Variants in FAM107B observed in about 807,000 individuals in gnomAD.
FAM107B encodes protein FAM107B.
FAM107B carries 21 observed loss-of-function variants against 31.5 expected under a neutral mutation model. The observed-to-expected ratio is 0.67, with a 90% CI of 0.47 to 0.96. The LOEUF is 0.96. FAM107B is among the 40% of genes least tolerant of loss of function. FAM107B has a pLI of 0.00. For missense variants in FAM107B, 452 were observed against 377.1 expected (o/e 1.20, Z -1.64); for synonymous variants, 157 against 141.5 (o/e 1.11, Z -0.78).
chr10:14,640,207 G>T (rs561420819), intron 2 of FAM107B, among the ~76,000 whole-genome samples: 3 of 152,194 alleles, frequency 2.0e-5, no homozygotes, highest in Non-Finnish European at 4.4e-5. Context: ...GAGCAGTTAG[G>T]TATCTTGTTC....
chr10:14,574,440 C>T (rs1851401884), intron 2 of FAM107B, among the ~76,000 whole-genome samples: 1 of 152,206 alleles, frequency 6.6e-6, no homozygotes, highest in Admixed American at 6.5e-5. Flanking sequence ...ATTTGGGAAA[C>T]ACTGCTCCCA....
intron 2 of FAM107B, among the ~76,000 whole-genome samples, chr10:14,564,115 A>G (rs1850464604): frequency 1.3e-5 from 2 of 152,298 alleles, no homozygotes; most frequent in African/African-American, 4.8e-5. Context: ...GATATAACCA[A>G]AAAAAAGTTC....
In FAM107B at chr10:14,664,790, A is replaced by C. The variant is rs115728033; in HGVS notation, c.469+2844T>G. ...TAGCACATAGTAGACATTCAGTAAA[A>C]GTTTTTTGAATGAATATAGTATATG... On this transcript the variant is annotated intron_variant, in intron 2 of 4. Coordinates refer to ENST00000181796, the MANE Select transcript of FAM107B (RefSeq NM_031453.4). Among the ~76,000 whole-genome samples, 1,112 of 152,334 alleles carry C rather than the reference A, an allele frequency of 7.3e-3. 12 individuals are homozygous for C. The highest frequency in any genetic ancestry group is 0.023 in the African/African-American group (955 of 41,574).
At chr10:14,523,717 A>G (rs1236714249) in intron 3 of FAM107B, among the ~76,000 whole-genome samples, 2 of 152,222 alleles carry the variant, frequency 1.3e-5, no homozygotes, top group Admixed American at 1.3e-4. Context: ...AGTCCACACA[A>G]TCACATCTGT....
chr10:14,589,186 A>G lies in FAM107B; in HGVS notation c.470-58671T>C, dbSNP rs1851940019. 2.6e-5 allele frequency among the ~76,000 whole-genome samples: 4 copies of G among 151,546 alleles called. 1 individual carries two copies. In the South Asian group the frequency reaches 8.4e-4, roughly 32 times the overall value. ...CCGAGACTGTCTCAAAAAAAAAAAA[A>G]GAAAAGAAAAAAAAGAGTAAGTGGT... On this transcript the variant is annotated intron_variant, in intron 2 of 4. Transcript: ENST00000181796.
At chr10:14,526,385 A>C (rs1276609839) in intron 3 of FAM107B, among the ~76,000 whole-genome samples, 1 of 152,204 alleles carries the variant, frequency 6.6e-6, no homozygotes, top group African/African-American at 2.4e-5. Flanking sequence ...CATGTTGGCC[A>C]GGCTGCTCTC....
chr10:14,548,849 G>A (rs1246505878), intron 2 of FAM107B, among the ~76,000 whole-genome samples: 3 of 29,850 alleles, frequency 1.0e-4, no homozygotes, highest in Non-Finnish European at 1.9e-4. Flanking sequence ...CACACACACC[G>A]ACTGAATGCT....
In FAM107B at chr10:14,532,911, G is replaced by A. The variant is rs78004458; in HGVS notation, c.470-2396C>T. On this transcript the variant is annotated intron_variant, in intron 2 of 4. Transcript: ENST00000181796. ...AGGGAATGTGACAGAAGAGCGGGCC[G>A]TGATCAGCAGCGAGAAGAGCGCATG... 8.5e-3 allele frequency among the ~76,000 whole-genome samples: 1,292 copies of A among 152,300 alleles called. 30 individuals are homozygous for A. Among genetic ancestry groups the A allele is most frequent in the African/African-American group, 0.029 (1,208 of 41,554 alleles).
intron 3 of FAM107B, among the ~76,000 whole-genome samples, chr10:14,523,909 C>T (rs1385293520): frequency 3.3e-5 from 5 of 150,360 alleles, no homozygotes; most frequent in Non-Finnish European, 5.9e-5. Flanking sequence ...CTCTGTTGCC[C>T]GGGCTGGAGT....
At chr10:14,632,234 G>C (rs929096506) in intron 2 of FAM107B, among the ~76,000 whole-genome samples, 1 of 148,546 alleles carries the variant, frequency 6.7e-6, no homozygotes, top group Non-Finnish European at 1.5e-5. Flanking sequence ...GAAGGCAGAG[G>C]TTTCAGTGAG....
At chr10:14,578,106 G>A (rs1471224050) in intron 2 of FAM107B, among the ~76,000 whole-genome samples, 1 of 152,046 alleles carries the variant, frequency 6.6e-6, no homozygotes, top group African/African-American at 2.4e-5. Flanking sequence ...CTTTCCATTT[G>A]GAAAAGTTCA....
At chr10:14,586,058 C>A (rs1038488818) in intron 2 of FAM107B, among the ~76,000 whole-genome samples, 21 of 152,186 alleles carry the variant, frequency 1.4e-4, no homozygotes, top group African/African-American at 5.1e-4. Context: ...CCTGCATAAA[C>A]AGGAACCCAG....
In FAM107B at chr10:14,569,413, GTGCA is replaced by G. The variant is rs1308539601; in HGVS notation, c.470-38902_470-38899del. ...GCATTGTGCACATATGTGTGTGTGT[GTGCA>G]TGCATGCATGCACACATGTGTTACG... On this transcript the variant is annotated intron_variant, in intron 2 of 4. Coordinates refer to ENST00000181796, the MANE Select transcript of FAM107B (RefSeq NM_031453.4). 2.6e-5 allele frequency among the ~76,000 whole-genome samples: 4 copies of G among 151,556 alleles called. No homozygotes were observed. The East Asian group carries it at 7.7e-4, about 29-fold the overall frequency.
chr10:14,552,520 C>G (rs1173043433), intron 2 of FAM107B, among the ~76,000 whole-genome samples: 1 of 151,754 alleles, frequency 6.6e-6, no homozygotes, highest in Non-Finnish European at 1.5e-5. Flanking sequence ...ATAGCCTTTA[C>G]AACATGCTGT....
chr10:14,522,080 C>T, intron 3 of FAM107B, 61 bp from the exon 4 acceptor site: 1 of 1,563,258 alleles, frequency 6.4e-7, no homozygotes, highest in South Asian at 1.2e-5. Flanking sequence ...TTTTTATGAA[C>T]AGAAATTTAA....
At chr10:14,764,627 A>G (rs951339594) in intron 1 of FAM107B, among the ~76,000 whole-genome samples, 3 of 152,322 alleles carry the variant, frequency 2.0e-5, no homozygotes, top group Admixed American at 2.0e-4. Flanking sequence ...GAAAGGAGGA[A>G]CTGCAAGTGG....
intron 1 of FAM107B, among the ~76,000 whole-genome samples, chr10:14,757,018 A>G (rs907600795): frequency 9.2e-5 from 14 of 152,266 alleles, no homozygotes; most frequent in African/African-American, 3.4e-4. Context: ...TGGAGGGTGG[A>G]GCAGGGAGAG....
chr10:14,618,007 A>G (rs1385054706), intron 2 of FAM107B, among the ~76,000 whole-genome samples: 1 of 152,154 alleles, frequency 6.6e-6, no homozygotes, highest in Non-Finnish European at 1.5e-5. Context: ...ACAGTTGTGT[A>G]ACCACCTCCA....
intron 2 of FAM107B, chr10:14,571,977 C>A (rs867764831): frequency 4.1e-6 from 4 of 985,256 alleles, no homozygotes; most frequent in Middle Eastern, 1.0e-3. Context: ...AAAAAGATCG[C>A]AGTAAGAATG....
Sources: allele counts gnomAD v4.1 joint callset (sites outside exome capture counted in the v4.1 genomes callset), GRCh38; gene constraint gnomAD v4.1.1; transcripts MANE v1.5; gene names NCBI Gene and HGNC (gene_info 2026-07-23, HGNC 2026-07-21).